SEMA4D: variants seen among roughly 807,000 people sequenced by gnomAD.
SEMA4D encodes the protein semaphorin-4D.
SEMA4D carries 22 observed loss-of-function variants against 74.8 expected under a neutral mutation model. That is an observed-to-expected ratio of 0.29 (90% CI 0.21 to 0.42). SEMA4D has a LOEUF of 0.42. SEMA4D is among the 10% of genes least tolerant of loss of function. SEMA4D has a pLI of 1.00. For missense variants in SEMA4D, 937 were observed against 1,118.4 expected, an observed-to-expected ratio of 0.84 and a Z score of 2.31; for synonymous variants, 445 against 463.7, an observed-to-expected ratio of 0.96 and a Z score of 0.52.
intron 2 of SEMA4D, among the ~76,000 whole-genome samples, chr9:89,406,737 T>G (rs943950094): frequency 6.6e-6 from 1 of 152,106 alleles, no homozygotes; most frequent in Non-Finnish European, 1.5e-5. Flanking sequence ...TTGCTCCCCC[T>G]TCTATCCAGG....
rs557902294 is a variant in SEMA4D at position 89,399,416 on chromosome 9, A to G, written c.253-78T>C. 6.3e-6 allele frequency: 7 copies of G among 1,110,302 alleles called. No homozygotes were observed. The African/African-American group carries it at 9.3e-5, about 15-fold the overall frequency. 68.8% of individuals were successfully genotyped at this position (1,110,302 alleles called of 1,614,324 possible). ...TAAAAATGCACAATTTTAAAAGCAC[A>G]TGATAGAGTTTAGAGCCTAGAGGTT... is the stretch of plus-strand genomic sequence containing the variant. On this transcript the variant is annotated intron_variant, in intron 4 of 15. Transcript: ENST00000422704.
intron 16 of SEMA4D, among the ~76,000 whole-genome samples, chr9:89,371,471 G>T (rs1298266456): frequency 5.3e-5 from 5 of 94,398 alleles, no homozygotes; most frequent in African/African-American, 2.1e-4. Flanking sequence ...GTGTGTGTGG[G>T]GTGTGATGTG....
At chr9:89,438,298 G>A (rs1465084611) in intron 2 of SEMA4D, among the ~76,000 whole-genome samples, 1 of 152,246 alleles carries the variant, frequency 6.6e-6, no homozygotes, top group Admixed American at 6.5e-5. Flanking sequence ...AGCTGGTGCT[G>A]GACTTGTGCT....
downstream of SEMA4D, among the ~76,000 whole-genome samples, chr9:89,375,193 T>C (rs1018764113): frequency 2.6e-5 from 4 of 152,190 alleles, no homozygotes; most frequent in East Asian, 5.8e-4. Flanking sequence ...AGGAGCTTCC[T>C]GAGTCTGCCT....
chr9:89,389,508 G>A (rs1257436781), intron 9 of SEMA4D, among the ~76,000 whole-genome samples: 2 of 152,178 alleles, frequency 1.3e-5, no homozygotes, highest in African/African-American at 2.4e-5. Flanking sequence ...AGCCTGTCTT[G>A]GGCAAATGTG....
chr9:89,461,869 A>G (rs1857354309), intron 1 of SEMA4D, among the ~76,000 whole-genome samples: 1 of 151,538 alleles, frequency 6.6e-6, no homozygotes, highest in African/African-American at 2.4e-5. Context: ...CGCCCGGCTA[A>G]TTTTTGTATT....
downstream of SEMA4D, among the ~76,000 whole-genome samples, chr9:89,373,978 G>A (rs574284282): frequency 9.2e-5 from 14 of 152,298 alleles, no homozygotes; most frequent in African/African-American, 1.9e-4. Context: ...CTGAGTTCAC[G>A]GCATGCCCAT....
chr9:89,426,051 G>GCACT (rs1199622275), intron 2 of SEMA4D, among the ~76,000 whole-genome samples: 1 of 152,232 alleles, frequency 6.6e-6, no homozygotes, highest in Non-Finnish European at 1.5e-5. Context: ...GAGATGCCCT[G>GCACT]CACTCAGAGG....
rs778091827 is a variant in SEMA4D at position 89,379,263 on chromosome 9, G to A, written c.2030C>T (p.Thr677Ile). Residue 677 changes from threonine to isoleucine, a missense_variant, in exon 16 of 16, where the codon ACC (threonine) becomes ATC (isoleucine). Transcript: ENST00000422704. ...RIATKVLVAS[T>I]QGSSPPTPAV... is the part of the protein sequence containing the mutation. ...TGGGGTTGGGGGAGAAGACCCTTGG[G>A]TGGATGCCACCAACACTTTGGTGGC... is the stretch of plus-strand genomic sequence containing the variant. The A allele has an allele frequency of 3.1e-6, 5 of 1,614,150 alleles. No individual in the cohort carries two copies. The highest frequency in any genetic ancestry group is 1.1e-5 in the South Asian group (1 of 91,080).
At position 89,393,550 on chromosome 9, in the gene SEMA4D, G is replaced by C. The variant is rs1447586080; in HGVS notation, c.508+12C>G. On this transcript the variant is annotated intron_variant, in intron 7 of 15. Coordinates refer to ENST00000422704, the MANE Select transcript of SEMA4D (RefSeq NM_001371194.2). ...ATCTTCACGGTGAAGGAACTGGAGG[G>C]GCAGGACTCACCAACCATGACGGAT... 6.2e-7 allele frequency: 1 copy of C among 1,606,474 alleles called. No homozygotes were observed. Among genetic ancestry groups the C allele is most frequent in the Non-Finnish European group, 8.5e-7 (1 of 1,173,188 alleles).
chr9:89,435,039 AAC>A (rs1448988986), intron 2 of SEMA4D, among the ~76,000 whole-genome samples: 2 of 152,166 alleles, frequency 1.3e-5, no homozygotes, highest in African/African-American at 4.8e-5. Context: ...GTCCCAACCA[AAC>A]ACATCTGAGG....
intron 12 of SEMA4D, 183 bp from the exon 13 acceptor site, chr9:89,386,665 G>A (rs1838583970): frequency 1.8e-6 from 1 of 547,450 alleles, no homozygotes; most frequent in South Asian, 2.2e-5. Flanking sequence ...ACAGACAACT[G>A]GAAACCCAAG....
chr9:89,405,839 G>T, intron 2 of SEMA4D, 140 bp from the exon 3 acceptor site: 1 of 1,288,930 alleles, frequency 7.8e-7, no homozygotes, highest in Non-Finnish European at 9.8e-7. Flanking sequence ...GGGGGACAAA[G>T]AGAGTCTTAG....
At position 89,363,489 on chromosome 9, in the gene SEMA4D, CAG is replaced by C; in HGVS notation, c.2129_2130del (p.Ser710CysfsTer24). The stretch of plus-strand genomic sequence containing the variant: ...TGCTCCCCAGCCACAGCCCTCCAGG[CAG>C]AGAGCTCTCTGGTCCACCTCTCCTG... On this transcript the variant is annotated frameshift_variant, in exon 18 of 19. Transcript: ENST00000339861. LOFTEE classifies it high-confidence loss of function. 6.2e-7 allele frequency: 1 copy of C among 1,614,112 alleles called. No individual in the cohort carries two copies. Among genetic ancestry groups the C allele is most frequent in the Non-Finnish European group, 8.5e-7 (1 of 1,180,026 alleles).
In SEMA4D at chr9:89,399,928, G is replaced by A. The variant is rs1841799100; in HGVS notation, c.253-590C>T. ...CAGGAGAATCTCTTGAACCCGGGAG[G>A]CGAAGGTTGCAGTAAGCCGAGATCG... On this transcript the variant is annotated intron_variant, in intron 4 of 15. Transcript: ENST00000422704. Among the ~76,000 whole-genome samples, 3 of 149,128 alleles carry A rather than the reference G, an allele frequency of 2.0e-5. No individual in the cohort carries two copies. In the Admixed American group the frequency reaches 2.0e-4, roughly 10 times the overall value.
At chr9:89,385,011 TGGTCCAGTA>T (rs1191208650) in intron 13 of SEMA4D, 2 of 984,316 alleles carry the variant, frequency 2.0e-6, no homozygotes, top group African/African-American at 3.5e-5. Context: ...GCGGGTCGGG[TGGTCCAGTA>T]GGACCAGCAA....
chr9:89,393,155 A>G (rs893728097), intron 7 of SEMA4D, among the ~76,000 whole-genome samples: 1 of 152,228 alleles, frequency 6.6e-6, no homozygotes, highest in Non-Finnish European at 1.5e-5. Flanking sequence ...ATAAGTAAAC[A>G]TGAGCAAGGA....
intron 2 of SEMA4D, among the ~76,000 whole-genome samples, chr9:89,438,890 C>T (rs1002229085): frequency 6.9e-6 from 1 of 145,234 alleles, no homozygotes; most frequent in Non-Finnish European, 1.5e-5. Flanking sequence ...TGGTCTCAGT[C>T]TCCTGACCTC....
downstream of SEMA4D, among the ~76,000 whole-genome samples, chr9:89,375,056 A>C (rs1835602145): frequency 6.6e-6 from 1 of 152,140 alleles, no homozygotes; most frequent in Non-Finnish European, 1.5e-5. Flanking sequence ...CTGCCTCAAA[A>C]ATAAATAAAT....
Sources: gnomAD v4.1 joint callset for allele counts (sites outside exome capture counted in the v4.1 genomes callset) on GRCh38, gnomAD v4.1.1 for gene constraint, MANE v1.5 for transcripts, NCBI Gene and HGNC (gene_info 2026-07-23, HGNC 2026-07-21) for gene names.